Variants in COBL observed in about 807,000 individuals in gnomAD.
COBL encodes cordon-bleu WH2 repeat protein.
COBL carries 51 observed loss-of-function variants against 98.8 expected under a neutral mutation model. The ratio of observed to expected loss-of-function variants is 0.52; its 90% CI spans 0.41 to 0.65. COBL has a LOEUF of 0.65. COBL is among the 30% of genes least tolerant of loss of function. The probability of loss-of-function intolerance (pLI) is 0.00; values close to 1 mark genes in which losing one functional copy is unlikely to be tolerated. For synonymous variants in COBL, 634 were observed against 651.7 expected (o/e 0.97, Z 0.41); for missense variants, 1,617 against 1,617.5 (o/e 1.00, Z 0.01).
intron 1 of COBL, among the ~76,000 whole-genome samples, chr7:51,315,930 G>C (rs561687362): frequency 2.0e-5 from 3 of 152,070 alleles, no homozygotes; most frequent in Admixed American, 2.0e-4. Context: ...GGTCCGCTAC[G>C]GATGTCTGCG....
chr7:51,081,062 T>G (rs904799867), intron 7 of COBL, among the ~76,000 whole-genome samples: 6 of 152,022 alleles, frequency 3.9e-5, no homozygotes, highest in South Asian at 2.1e-4. Flanking sequence ...TGCTTGAACA[T>G]GTGGTGCGCT....
intron 8 of COBL, 68 bp downstream of exon 8, chr7:51,043,315 A>G: frequency 6.7e-7 from 1 of 1,497,160 alleles, no homozygotes; most frequent in South Asian, 1.2e-5. Flanking sequence ...TCCCATGACA[A>G]AAGACCCTCT....
chr7:51,164,962 G>A (rs1787154185), intron 5 of COBL, among the ~76,000 whole-genome samples: 1 of 151,874 alleles, frequency 6.6e-6, no homozygotes, highest in African/African-American at 2.4e-5. Flanking sequence ...CAAGCCTCAT[G>A]GTAACTTCCA....
chr7:51,181,571 G>A (rs537423320), intron 5 of COBL, among the ~76,000 whole-genome samples: 7 of 152,304 alleles, frequency 4.6e-5, no homozygotes, highest in African/African-American at 7.2e-5. Context: ...AAACCTTCTT[G>A]TAACTACGGC....
At chr7:51,178,312 T>A (rs554473758) in intron 5 of COBL, among the ~76,000 whole-genome samples, 1 of 152,174 alleles carries the variant, frequency 6.6e-6, no homozygotes, top group South Asian at 2.1e-4. Flanking sequence ...ACTAAATGGG[T>A]ATAGGAAGTT....
intron 1 of COBL, among the ~76,000 whole-genome samples, chr7:51,261,307 A>C (rs998459331): frequency 6.6e-6 from 1 of 152,138 alleles, no homozygotes; most frequent in Non-Finnish European, 1.5e-5. Flanking sequence ...TCACTTCCAG[A>C]AATTATACTT....
chr7:51,123,069 T>C (rs555427213), intron 6 of COBL, among the ~76,000 whole-genome samples: 2 of 152,348 alleles, frequency 1.3e-5, no homozygotes, highest in South Asian at 4.1e-4. Context: ...AGAATCCTAC[T>C]TGTTTTATTT....
chr7:51,141,111 CT>C (rs1292791093), intron 5 of COBL, among the ~76,000 whole-genome samples: 1 of 150,844 alleles, frequency 6.6e-6, no homozygotes, highest in African/African-American at 2.4e-5. Context: ...TGAAATCTTT[CT>C]GTTTAAATCG....
intron 7 of COBL, among the ~76,000 whole-genome samples, chr7:51,084,208 C>G (rs1474652307): frequency 2.0e-5 from 3 of 152,142 alleles, no homozygotes; most frequent in Admixed American, 2.0e-4. Flanking sequence ...ACGGAGCTCT[C>G]ACTAAAGGTC....
intron 5 of COBL, among the ~76,000 whole-genome samples, chr7:51,161,285 C>T (rs1051957877): frequency 3.9e-5 from 6 of 152,206 alleles, no homozygotes; most frequent in African/African-American, 1.2e-4. Flanking sequence ...CCCTGGAGAC[C>T]CGGATCAGCT....
chr7:51,159,917 A>T (rs1398518502), intron 5 of COBL, among the ~76,000 whole-genome samples: 2 of 152,216 alleles, frequency 1.3e-5, no homozygotes, highest in Non-Finnish European at 2.9e-5. Context: ...GTTTTGAGAC[A>T]GTTTCACTAT....
intron 5 of COBL, among the ~76,000 whole-genome samples, chr7:51,143,662 G>A (rs1784766596): frequency 6.6e-6 from 1 of 152,192 alleles, no homozygotes; most frequent in East Asian, 1.9e-4. Flanking sequence ...ACAAAAAAGG[G>A]AACAATTCCT....
At chr7:51,283,737 G>A (rs895275316) in intron 1 of COBL, among the ~76,000 whole-genome samples, 8 of 152,044 alleles carry the variant, frequency 5.3e-5, no homozygotes, top group African/African-American at 7.2e-5. Flanking sequence ...CGCCTGCCTC[G>A]GCCTCCCAGA....
intron 6 of COBL, among the ~76,000 whole-genome samples, chr7:51,120,551 T>C (rs1427959212): frequency 1.3e-5 from 2 of 152,234 alleles, no homozygotes; most frequent in Non-Finnish European, 2.9e-5. Flanking sequence ...TAGTGTTAAG[T>C]ACATTCACAT....
rs370625929 is a variant in COBL, at chr7:51,190,937, C to G, written c.598G>C (p.Asp200His). 1.9e-6 allele frequency: 3 copies of G among 1,614,170 alleles called. No homozygotes were observed. The South Asian group carries it at 3.3e-5, about 18-fold the overall frequency. Reference protein sequence around the residue: ...VSPEHVVLLRDNIAGEELELS... With the variant: ...VSPEHVVLLRHNIAGEELELS... The stretch of plus-strand genomic sequence containing the variant: ...TCCAGCTCCTCTCCGGCAATGTTGT[C>G]CCTGAGGAGAACCACGTGCTCTGGG... The change falls in exon 4 of 13, where the codon GAC (aspartate) becomes CAC (histidine). Residue 200 changes from aspartate to histidine, a missense_variant. By Grantham distance (81) the Asp-to-His change is moderately conservative. Coordinates refer to ENST00000265136, the MANE Select transcript of COBL (RefSeq NM_015198.5).
At chr7:51,188,143 T>C (rs1789728153) in intron 4 of COBL, among the ~76,000 whole-genome samples, 1 of 152,244 alleles carries the variant, frequency 6.6e-6, no homozygotes, top group Non-Finnish European at 1.5e-5. Flanking sequence ...CATAGCCTGC[T>C]AAGCACCGCT....
intron 1 of COBL, among the ~76,000 whole-genome samples, chr7:51,227,561 G>C (rs1185472274): frequency 6.6e-6 from 1 of 152,166 alleles, no homozygotes; most frequent in African/African-American, 2.4e-5. Flanking sequence ...TGCCCAGCAG[G>C]AGCTAGAAAA....
chr7:51,254,252 G>A (rs554036675), intron 1 of COBL, among the ~76,000 whole-genome samples: 1 of 152,176 alleles, frequency 6.6e-6, no homozygotes, highest in South Asian at 2.1e-4. Flanking sequence ...GATGTAAAGT[G>A]ACCTTCATAG....
At chr7:51,140,310 C>A (rs1163377624) in intron 5 of COBL, among the ~76,000 whole-genome samples, 1 of 152,102 alleles carries the variant, frequency 6.6e-6, no homozygotes, top group Non-Finnish European at 1.5e-5. Flanking sequence ...CTCTCTGTGT[C>A]CATGTCACCA....
Sources: gnomAD v4.1 joint callset for allele counts (sites outside exome capture counted in the v4.1 genomes callset) on GRCh38, gnomAD v4.1.1 for gene constraint, MANE v1.5 for transcripts, NCBI Gene and HGNC (gene_info 2026-07-23, HGNC 2026-07-21) for gene names.